EIPR1: variants seen among roughly 807,000 people sequenced by gnomAD.
The protein encoded by EIPR1 is EARP complex and GARP complex interacting protein 1, also known as EARP and GARP complex-interacting protein 1.
A neutral mutation model predicts 48.1 loss-of-function variants in EIPR1; 25 were observed. The ratio of observed to expected loss-of-function variants is 0.52; its 90% CI spans 0.38 to 0.73. The LOEUF is 0.73. Ranked by LOEUF, EIPR1 falls within the 30% of genes least tolerant of loss-of-function variation. EIPR1 has a pLI of 0.00. For missense variants in EIPR1, 415 were observed against 506.2 expected (o/e 0.82, Z 1.73); for synonymous variants, 204 against 201.9 (o/e 1.01, Z -0.09).
At chr2:3,194,283 C>T (rs1664718934) in intron 6 of EIPR1, 117 bp from the exon 7 acceptor site, 2 of 1,286,654 alleles carry the variant, frequency 1.6e-6, no homozygotes, top group Non-Finnish European at 2.1e-6. Context: ...GCCCAGGGTG[C>T]TCTCATCCCC....
chr2:3,313,796 G>T (rs760014822), intron 3 of EIPR1, among the ~76,000 whole-genome samples: 17 of 152,168 alleles, frequency 1.1e-4, no homozygotes, highest in Non-Finnish European at 1.8e-4. Flanking sequence ...GAAACTCAAG[G>T]CCCAAGCTGG....
At chr2:3,359,074 G>C (rs1485053773) in intron 1 of EIPR1, among the ~76,000 whole-genome samples, 1 of 152,224 alleles carries the variant, frequency 6.6e-6, no homozygotes, top group African/African-American at 2.4e-5. Flanking sequence ...CATTAGGAGA[G>C]AGGAGACAAA....
chr2:3,261,507 A>G (rs1210377769), intron 3 of EIPR1, among the ~76,000 whole-genome samples: 1 of 152,140 alleles, frequency 6.6e-6, no homozygotes, highest in Non-Finnish European at 1.5e-5. Flanking sequence ...CACTGCAATG[A>G]TTACCCTAGT....
At chr2:3,352,381 C>T in intron 2 of EIPR1, among the ~76,000 whole-genome samples, 1 of 151,340 alleles carries the variant, frequency 6.6e-6, no homozygotes, top group African/African-American at 2.4e-5. Flanking sequence ...ACTGTCTGTT[C>T]CCGACACCTT....
intron 4 of EIPR1, among the ~76,000 whole-genome samples, chr2:3,235,069 C>T (rs768692865): frequency 3.3e-5 from 5 of 152,164 alleles, no homozygotes; most frequent in African/African-American, 7.2e-5. Context: ...TGTTTTCCAC[C>T]GGCAAGTTAG....
intron 3 of EIPR1, chr2:3,298,581 G>C (rs1303604361): frequency 6.6e-6 from 1 of 151,962 alleles, no homozygotes; most frequent in Non-Finnish European, 1.5e-5. Context: ...ATCCTCCCCT[G>C]GCTGAGTGTC....
intron 4 of EIPR1, among the ~76,000 whole-genome samples, chr2:3,251,006 A>G (rs2694095): frequency 0.55 from 82,796 of 151,862 alleles, 22,975 homozygotes; most frequent in East Asian, 0.75. Context: ...AGACTAACAG[A>G]GGCAGCTAAC....
intron 1 of EIPR1, among the ~76,000 whole-genome samples, chr2:3,372,286 A>T (rs1428347261): frequency 2.0e-5 from 3 of 151,290 alleles, no homozygotes; most frequent in Non-Finnish European, 2.9e-5. Flanking sequence ...AGCAGGAAAG[A>T]TCCAAAATTG....
At chr2:3,248,523 G>A (rs4854155) in intron 4 of EIPR1, among the ~76,000 whole-genome samples, 87,870 of 151,758 alleles carry the variant, frequency 0.58, 25,761 homozygotes, top group East Asian at 0.75. Context: ...GAACCCTGGC[G>A]GAAGAGGCTG....
intron 2 of EIPR1, among the ~76,000 whole-genome samples, chr2:3,340,016 G>A (rs1263591802): frequency 1.3e-5 from 2 of 152,210 alleles, no homozygotes; most frequent in Admixed American, 6.5e-5. Flanking sequence ...CATGTGAGGC[G>A]GCTGCTCCCC....
chr2:3,267,283 C>T (rs902232184), intron 3 of EIPR1, among the ~76,000 whole-genome samples: 8 of 152,218 alleles, frequency 5.3e-5, no homozygotes, highest in South Asian at 4.1e-4. Flanking sequence ...AGAGGGATGC[C>T]CCGGGACATT....
chr2:3,192,384 C>T (rs1454493234), intron 8 of EIPR1, 30 bp downstream of exon 8: 19 of 1,567,998 alleles, frequency 1.2e-5, no homozygotes, highest in South Asian at 4.8e-5. Flanking sequence ...TCTGGTACAG[C>T]GTGAGCCACT....
intron 1 of EIPR1, among the ~76,000 whole-genome samples, chr2:3,356,153 T>C (rs1670722601): frequency 6.6e-6 from 1 of 152,234 alleles, no homozygotes; most frequent in Non-Finnish European, 1.5e-5. Flanking sequence ...TAAGGCCAGA[T>C]GGCCGGGGTT....
chr2:3,327,102 C>G (rs1233987888), intron 3 of EIPR1, among the ~76,000 whole-genome samples: 1 of 152,170 alleles, frequency 6.6e-6, no homozygotes, highest in African/African-American at 2.4e-5. Flanking sequence ...ACACAGGGGC[C>G]GGGAGATGGG....
chr2:3,284,655 A>G (rs1390538651), intron 3 of EIPR1, among the ~76,000 whole-genome samples: 1 of 152,258 alleles, frequency 6.6e-6, no homozygotes. Flanking sequence ...TTGATGAGAA[A>G]AGTCAGGGGC....
intron 4 of EIPR1, among the ~76,000 whole-genome samples, chr2:3,228,935 T>C (rs556873491): frequency 3.4e-4 from 52 of 152,314 alleles, no homozygotes; most frequent in African/African-American, 1.2e-3. Context: ...CTTTATAAAT[T>C]ACCTAGTCTC....
intron 3 of EIPR1, among the ~76,000 whole-genome samples, chr2:3,308,186 A>G (rs1476795999): frequency 6.6e-6 from 1 of 152,248 alleles, no homozygotes; most frequent in African/African-American, 2.4e-5. Flanking sequence ...GCCAGGACCC[A>G]GTCCCCAAAC....
rs771624820 is a variant in EIPR1, at chr2:3,257,374, T to A, written c.341A>T (p.Asp114Val). ...GGTCTGTGCAGTGCTGGATGAATCA[T>A]CAGGGGACTCGTGGCTGCCTGATTC... ...ELESGSHESPDDSSSTAQTLE... is the reference protein window; with the variant it reads ...ELESGSHESPVDSSSTAQTLE... The change falls in exon 4 of 9, where the codon GAT becomes GTT. Residue 114 changes from aspartate to valine, a missense_variant. By Grantham distance (152) the Asp-to-Val change is radical (BLOSUM62 -3). Transcript: ENST00000382125. 16 of 1,614,036 alleles carry A rather than the reference T, an allele frequency of 9.9e-6. 1 individual carries two copies. In the Admixed American group the frequency reaches 1.7e-4, roughly 17 times the overall value.
chr2:3,283,085 T>C (rs2694087), intron 3 of EIPR1, among the ~76,000 whole-genome samples: 35,152 of 152,142 alleles, frequency 0.23, 4,130 homozygotes, highest in Non-Finnish European at 0.25. Flanking sequence ...TCTTCCCTGT[T>C]TTTGCAGTCC....
Sources: gnomAD v4.1 joint callset for allele counts (sites outside exome capture counted in the v4.1 genomes callset) on GRCh38, gnomAD v4.1.1 for gene constraint, MANE v1.5 for transcripts, NCBI Gene and HGNC (gene_info 2026-07-23, HGNC 2026-07-21) for gene names.